DCK: variants seen among roughly 807,000 people sequenced by gnomAD.
The protein encoded by DCK is deoxyadenosine kinase.
DCK carries 23 observed loss-of-function variants against 38.3 expected under a neutral mutation model. The observed-to-expected ratio is 0.60, with a 90% CI of 0.43 to 0.85. DCK has a LOEUF of 0.85. Ranked by LOEUF, DCK falls within the 40% of genes least tolerant of loss-of-function variation. DCK has a pLI of 0.00. For missense variants in DCK, 259 were observed against 304.4 expected (o/e 0.85, Z 1.11); for synonymous variants, 108 against 100.6 (o/e 1.07, Z -0.44).
At chr4:71,015,575 C>T (rs2148916901) in intron 2 of DCK, among the ~76,000 whole-genome samples, 1 of 152,304 alleles carries the variant, frequency 6.6e-6, no homozygotes, top group Admixed American at 6.5e-5. Context: ...CATCAAAAAG[C>T]TTATCCACCA....
intron 2 of DCK, among the ~76,000 whole-genome samples, chr4:71,015,206 A>C (rs1286627119): frequency 2.6e-5 from 4 of 152,234 alleles, no homozygotes; most frequent in Non-Finnish European, 4.4e-5. Context: ...ATTCCTGGAC[A>C]CATACACTGT....
chr4:71,024,114 G>C (rs1396776837), intron 4 of DCK, among the ~76,000 whole-genome samples: 1 of 152,158 alleles, frequency 6.6e-6, no homozygotes, highest in Admixed American at 6.5e-5. Context: ...GCTGGGCACT[G>C]TTGGAGCATA....
intron 2 of DCK, 81 bp downstream of exon 2, chr4:70,998,263 T>G (rs72553923): frequency 1.5e-6 from 1 of 645,838 alleles, no homozygotes; most frequent in Non-Finnish European, 2.6e-6. Flanking sequence ...CTTTTTCTTT[T>G]TCAATAAAAC....
At chr4:71,019,709 T>G (rs1467040933) in intron 2 of DCK, among the ~76,000 whole-genome samples, 1 of 152,208 alleles carries the variant, frequency 6.6e-6, no homozygotes, top group African/African-American at 2.4e-5. Context: ...TCTAATAATG[T>G]TTTCGTAATT....
chr4:71,022,093 A>G (rs978497701), intron 2 of DCK, among the ~76,000 whole-genome samples: 4 of 152,248 alleles, frequency 2.6e-5, no homozygotes, highest in African/African-American at 9.6e-5. Context: ...AAACTAAGTC[A>G]AAGTTTTAAA....
At chr4:71,012,209 A>G (rs1264205178) in intron 2 of DCK, among the ~76,000 whole-genome samples, 1 of 152,110 alleles carries the variant, frequency 6.6e-6, no homozygotes, top group Non-Finnish European at 1.5e-5. Flanking sequence ...GGCGGCAGTG[A>G]GGCTGGGGGA....
intron 2 of DCK, among the ~76,000 whole-genome samples, chr4:71,001,458 T>C (rs1241364898): frequency 6.6e-6 from 1 of 152,170 alleles, no homozygotes; most frequent in African/African-American, 2.4e-5. Context: ...CTTTTTTTTG[T>C]TGTGTCTCTG....
intron 3 of DCK, 55 bp downstream of exon 3, chr4:71,022,615 C>A: frequency 8.2e-6 from 6 of 728,904 alleles, no homozygotes; most frequent in Non-Finnish European, 1.1e-5. Flanking sequence ...TAGAACTGGA[C>A]TTTTTTTTTT....
chr4:71,024,242 G>A (rs9997995), intron 4 of DCK, among the ~76,000 whole-genome samples: 2,880 of 152,196 alleles, frequency 0.019, 37 homozygotes, highest in Middle Eastern at 0.058. Context: ...GGCAGCTATC[G>A]TTGGGAAAAG....
rs565686933 is a variant in DCK at position 71,015,350 on chromosome 4, C to A, written c.208-7017C>A. ...TGGATTCACAGCCGAATTCTACCAG[C>A]AGTACAAGGAGGAGCTGGTACCATT... is the stretch of plus-strand genomic sequence containing the variant. On this transcript the variant is annotated intron_variant, in intron 2 of 6. Coordinates refer to ENST00000286648, the MANE Select transcript of DCK (RefSeq NM_000788.3). Among the ~76,000 whole-genome samples, 1,441 of 152,246 alleles carry A rather than the reference C, an allele frequency of 9.5e-3. 31 individuals carry two copies. The highest frequency in any genetic ancestry group is 0.033 in the African/African-American group (1,382 of 41,554).
chr4:71,011,308 A>C (rs1438364348), intron 2 of DCK, among the ~76,000 whole-genome samples: 2 of 149,724 alleles, frequency 1.3e-5, no homozygotes, highest in African/African-American at 4.9e-5. Flanking sequence ...AAATTAGTTA[A>C]GAATGCTTGA....
chr4:71,022,218 A>T (rs1352925904), intron 2 of DCK, 149 bp from the exon 3 acceptor site: 1 of 471,806 alleles, frequency 2.1e-6, no homozygotes, highest in Non-Finnish European at 3.7e-6. Flanking sequence ...ATATTGGGAA[A>T]GAGTATGAGA....
intron 2 of DCK, among the ~76,000 whole-genome samples, chr4:71,005,666 C>A (rs1739921905): frequency 6.6e-6 from 1 of 151,658 alleles, no homozygotes; most frequent in African/African-American, 2.4e-5. Context: ...GCCACCATGC[C>A]TGGCTAATTT....
At chr4:70,998,312 G>T in intron 2 of DCK, 130 bp downstream of exon 2, 1 of 473,438 alleles carries the variant, frequency 2.1e-6, no homozygotes, top group South Asian at 4.2e-5. Context: ...TCATCTAGGT[G>T]GTGGTTACAT....
intron 1 of DCK, among the ~76,000 whole-genome samples, chr4:70,996,331 A>G (rs191035918): frequency 6.6e-5 from 10 of 152,170 alleles, no homozygotes; most frequent in Non-Finnish European, 8.8e-5. Context: ...CCACTGCCCT[A>G]CAGCCTGGGC....
Position 70,993,785 on chromosome 4 carries a change from C to A in DCK, c.-51C>A. 1 of 1,376,260 alleles carries A rather than the reference C, an allele frequency of 7.3e-7. No individual in the cohort carries two copies. The highest frequency in any genetic ancestry group is 1.0e-6 in the Non-Finnish European group (1 of 977,854). The allele number at this position is 1,376,260 out of a possible 1,614,324, so 85.3% of individuals were successfully genotyped here. A position where few individuals can be genotyped will look rare whatever the true frequency, so the allele number is the denominator to read the frequency against. ...GCTCCAGTGCGCGCACCCGTGGCCG[C>A]CTCCCAGCCCTCTTTGCCGGACGAG... On this transcript the variant is annotated 5_prime_UTR_variant, in exon 1 of 7. Transcript: ENST00000286648.
In DCK at chr4:71,003,440, G is replaced by A. The variant is rs146906995; in HGVS notation, c.207+5258G>A. Among the ~76,000 whole-genome samples the A allele has an allele frequency of 8.2e-3, 1,255 of 152,224 alleles. 9 individuals are homozygous for A. Among genetic ancestry groups the A allele is most frequent in the African/African-American group, 0.029 (1,192 of 41,508 alleles). On this transcript the variant is annotated intron_variant, in intron 2 of 6. Coordinates refer to ENST00000286648, the MANE Select transcript of DCK (RefSeq NM_000788.3). ...GAATCTGACGATTATGTGTCTTGGC[G>A]TTGCTCTTCTCAAGGGCATCTTTGT...
chr4:71,000,278 A>G (rs974556718), intron 2 of DCK, among the ~76,000 whole-genome samples: 1 of 152,178 alleles, frequency 6.6e-6, no homozygotes, highest in Non-Finnish European at 1.5e-5. Context: ...TTAAATAGGG[A>G]ATCCTTTCCC....
intron 6 of DCK, among the ~76,000 whole-genome samples, chr4:71,028,903 A>G (rs1330155344): frequency 6.6e-6 from 1 of 152,168 alleles, no homozygotes; most frequent in Admixed American, 6.5e-5. Context: ...GATTACAGGC[A>G]TGTGCCACTA....
Sources: gnomAD v4.1 joint callset for allele counts (sites outside exome capture counted in the v4.1 genomes callset) on GRCh38, gnomAD v4.1.1 for gene constraint, MANE v1.5 for transcripts, NCBI Gene and HGNC (gene_info 2026-07-23, HGNC 2026-07-21) for gene names.